The following SYNJ2BP variants were observed in gnomAD, a reference collection of about 807,000 sequenced individuals.
SYNJ2BP encodes the protein synaptojanin-2-binding protein.
In SYNJ2BP, 10 loss-of-function variants were observed where a neutral mutation model predicts 16.9. The ratio of observed to expected loss-of-function variants is 0.59; its 90% CI spans 0.36 to 1.00. The LOEUF is 1.00. Among genes scored for constraint, SYNJ2BP ranks in the 50% least tolerant of loss-of-function variants. The pLI is 0.01. For missense variants in SYNJ2BP, 162 were observed against 186.7 expected (o/e 0.87, Z 0.77); for synonymous variants, 54 against 68.4 (o/e 0.79, Z 1.04).
chr14:70,395,208 G>A (rs1888064551), intron 1 of SYNJ2BP, among the ~76,000 whole-genome samples: 1 of 152,136 alleles, frequency 6.6e-6, no homozygotes, highest in African/African-American at 2.4e-5. Flanking sequence ...CTTCAGACCA[G>A]AAAAGGAAAA....
chr14:70,368,614 T>C lies in SYNJ2BP; in HGVS notation c.*4377A>G, dbSNP rs1266268537. On this transcript the variant is annotated 3_prime_UTR_variant, in exon 4 of 4. Coordinates refer to ENST00000256366, the MANE Select transcript of SYNJ2BP (RefSeq NM_018373.3). ...ATTTTGCTGGAGGTTGATCAATCCT[T>C]AGCAAATCAGGAAGAAATGAATGTT... The C allele has an allele frequency of 1.3e-5, 2 of 152,202 alleles. No homozygotes were observed. Among genetic ancestry groups the C allele is most frequent in the African/African-American group, 4.8e-5 (2 of 41,460 alleles). 9.4% of individuals were successfully genotyped at this position (152,202 alleles called of 1,614,324 possible). A position where few individuals can be genotyped will look rare whatever the true frequency, so the allele number is the denominator to read the frequency against.
chr14:70,384,673 G>T (rs546836864), intron 2 of SYNJ2BP, among the ~76,000 whole-genome samples: 59 of 152,112 alleles, frequency 3.9e-4, no homozygotes, highest in Non-Finnish European at 7.8e-4. Context: ...GTTCTCATTA[G>T]ATCTGGTTGT....
Position 70,372,851 on chromosome 14 carries a change from T to C in SYNJ2BP, c.*140A>G. ...CATTAGAATATGAAGAATTGGAGAC[T>C]GTGAACAGCAAGGTTTGGGGTGGGT... On this transcript the variant is annotated 3_prime_UTR_variant, in exon 4 of 4. Transcript: ENST00000256366. 8.0e-7 allele frequency: 1 copy of C among 1,254,284 alleles called. No individual in the cohort carries two copies. The highest frequency in any genetic ancestry group is 1.1e-6 in the Non-Finnish European group (1 of 907,774). 77.7% of individuals were successfully genotyped at this position (1,254,284 alleles called of 1,614,324 possible).
chr14:70,382,665 T>A (rs901649512), intron 2 of SYNJ2BP, among the ~76,000 whole-genome samples: 1 of 152,224 alleles, frequency 6.6e-6, no homozygotes, highest in African/African-American at 2.4e-5. Flanking sequence ...CCTTAACTCA[T>A]GACATAATAA....
chr14:70,409,586 T>A (rs1888424827), intron 1 of SYNJ2BP, among the ~76,000 whole-genome samples: 1 of 152,230 alleles, frequency 6.6e-6, no homozygotes, highest in Non-Finnish European at 1.5e-5. Flanking sequence ...AAGATCTTAA[T>A]ACTGATCCTT....
chr14:70,390,561 G>A (rs762622082), intron 1 of SYNJ2BP, among the ~76,000 whole-genome samples: 4 of 152,056 alleles, frequency 2.6e-5, no homozygotes, highest in Admixed American at 6.6e-5. Context: ...CCAGCTACTC[G>A]GGAGGCTGAG....
intron 2 of SYNJ2BP, among the ~76,000 whole-genome samples, chr14:70,377,009 T>C (rs540812766): frequency 1.8e-4 from 28 of 152,328 alleles, no homozygotes; most frequent in African/African-American, 6.5e-4. Flanking sequence ...CTATAGACAG[T>C]CTACCTTTGT....
chr14:70,369,542 C>T lies in SYNJ2BP; in HGVS notation c.*3449G>A, dbSNP rs1217663214. ...ATCCTGATTCTATTATTACCACCTACATAATCCTAGTCAAGTAATTTTTTC... is the reference window on the plus strand; with the variant it reads ...ATCCTGATTCTATTATTACCACCTATATAATCCTAGTCAAGTAATTTTTTC... On this transcript the variant is annotated 3_prime_UTR_variant, in exon 4 of 4. Transcript: ENST00000256366. 2 of 152,208 alleles carry T rather than the reference C, an allele frequency of 1.3e-5. No individual in the cohort carries two copies. Among genetic ancestry groups the T allele is most frequent in the Non-Finnish European group, 2.9e-5 (2 of 68,054 alleles). The allele number at this position is 152,208 out of a possible 1,614,324, so 9.4% of individuals were successfully genotyped here. A position where few individuals can be genotyped will look rare whatever the true frequency, so the allele number is the denominator to read the frequency against.
chr14:70,380,006 C>A (rs1187348081), intron 2 of SYNJ2BP, among the ~76,000 whole-genome samples: 2 of 152,128 alleles, frequency 1.3e-5, no homozygotes, highest in Non-Finnish European at 2.9e-5. Context: ...GTAATAATTG[C>A]AGAGAATTAT....
chr14:70,396,608 A>G (rs1463064178), intron 1 of SYNJ2BP, among the ~76,000 whole-genome samples: 4 of 142,706 alleles, frequency 2.8e-5, no homozygotes, highest in African/African-American at 5.2e-5. Context: ...ATATGTATGT[A>G]TATATATGTA....
chr14:70,414,995 C>T (rs539187586), intron 1 of SYNJ2BP, among the ~76,000 whole-genome samples: 1 of 151,874 alleles, frequency 6.6e-6, no homozygotes, highest in African/African-American at 2.4e-5. Context: ...ACCAAATGAG[C>T]CTTTGACAAA....
At chr14:70,375,824 C>T in intron 2 of SYNJ2BP, 53 bp from the exon 3 acceptor site, 1 of 1,599,018 alleles carries the variant, frequency 6.3e-7, no homozygotes, top group East Asian at 2.2e-5. Context: ...TAGAAGTCAA[C>T]AATTTATTTT....
Position 70,411,350 on chromosome 14 carries a change from G to C in SYNJ2BP, c.64+5550C>G, listed in dbSNP as rs571348180. On this transcript the variant is annotated intron_variant, in intron 1 of 3. Transcript: ENST00000256366. The stretch of plus-strand genomic sequence containing the variant: ...ATGATGTATAATATAGACAATAAGA[G>C]AACATCTATCCTAGGTAAAGCCTGC... Among the ~76,000 whole-genome samples the C allele has an allele frequency of 3.9e-5, 6 of 152,304 alleles. No homozygotes were observed. The South Asian group carries it at 1.2e-3, about 32-fold the overall frequency.
At chr14:70,383,336 C>A (rs537535388) in intron 2 of SYNJ2BP, among the ~76,000 whole-genome samples, 1 of 152,318 alleles carries the variant, frequency 6.6e-6, no homozygotes, top group East Asian at 1.9e-4. Flanking sequence ...CTAAGGTAAG[C>A]GCAGAGACCA....
intron 2 of SYNJ2BP, among the ~76,000 whole-genome samples, chr14:70,376,988 A>G (rs1417848361): frequency 6.6e-6 from 1 of 152,174 alleles, no homozygotes; most frequent in Non-Finnish European, 1.5e-5. Flanking sequence ...GAATCTACCA[A>G]CACTTCTGCC....
At chr14:70,374,361 T>C (rs182075112) in intron 3 of SYNJ2BP, among the ~76,000 whole-genome samples, 11 of 152,344 alleles carry the variant, frequency 7.2e-5, no homozygotes, top group East Asian at 3.9e-4. Flanking sequence ...TTCTCAGGTA[T>C]CTTTCACGTT....
chr14:70,375,631 G>A, intron 3 of SYNJ2BP, 45 bp downstream of exon 3: 1 of 1,596,284 alleles, frequency 6.3e-7, no homozygotes, highest in South Asian at 1.1e-5. Context: ...CAGAAGTACA[G>A]TGCAAAAGCC....
intron 2 of SYNJ2BP, among the ~76,000 whole-genome samples, chr14:70,377,956 C>T (rs1375961286): frequency 6.6e-6 from 1 of 152,236 alleles, no homozygotes; most frequent in Non-Finnish European, 1.5e-5. Flanking sequence ...CCTGTAATCT[C>T]ACAATGTATG....
Position 70,404,607 on chromosome 14 carries a change from A to T in SYNJ2BP, c.64+12293T>A, listed in dbSNP as rs180798291. Among the ~76,000 whole-genome samples the T allele has an allele frequency of 1.2e-3, 177 of 152,328 alleles. 1 individual carries two copies. The highest frequency in any genetic ancestry group is 3.4e-3 in the Admixed American group (52 of 15,302). On this transcript the variant is annotated intron_variant, in intron 1 of 3. Coordinates refer to ENST00000256366, the MANE Select transcript of SYNJ2BP (RefSeq NM_018373.3). ...TTCTATCTACAAATACTGGTATAAA[A>T]CTGTTCAAAATTACCTTACTTCCTA... is the stretch of plus-strand genomic sequence containing the variant.
Sources: gnomAD v4.1 joint callset for allele counts (sites outside exome capture counted in the v4.1 genomes callset) on GRCh38, gnomAD v4.1.1 for gene constraint, MANE v1.5 for transcripts, NCBI Gene and HGNC (gene_info 2026-07-23, HGNC 2026-07-21) for gene names.